MGAM: variants seen among roughly 807,000 people sequenced by gnomAD.
The protein encoded by MGAM is maltase-glucoamylase.
MGAM carries 253 observed loss-of-function variants against 358.8 expected under a neutral mutation model. The observed-to-expected ratio is 0.71, with a 90% CI of 0.64 to 0.78. The LOEUF (loss-of-function observed/expected upper bound fraction) is 0.78, where lower values mean the gene tolerates loss of function less well. Among genes scored for constraint, MGAM ranks in the 30% least tolerant of loss-of-function variants. MGAM has a pLI of 0.00. For missense variants in MGAM, 3,080 were observed against 3,432.6 expected (o/e 0.90, Z 2.57); for synonymous variants, 1,105 against 1,227.1 (o/e 0.90, Z 2.08).
At position 142,052,304 on chromosome 7, in the gene MGAM, T is replaced by C. The variant is rs1811063563; in HGVS notation, c.2816T>C (p.Ile939Thr). Residue 939 changes from isoleucine (I) to threonine (T), a missense_variant, in exon 25 of 71, where the codon ATC becomes ACC. Around this residue, in one of 5 missense-constraint regions of MGAM, gnomAD observed 1,816 missense variants for 1,840.5 expected, o/e 0.99. Coordinates refer to ENST00000475668, the MANE Select transcript of MGAM (RefSeq NM_001365693.1). Reference sequence around the variant, plus strand: ...TCCACATTCCTACAGGTTGCCATTATCACAGATATTGATCTTCTCCTGGGA... The same window carrying C: ...TCCACATTCCTACAGGTTGCCATTACCACAGATATTGATCTTCTCCTGGGA... ...TYDSNLKVAI[I>T]TDIDLLLGEA... The C allele has an allele frequency of 1.1e-5, 17 of 1,604,786 alleles. No homozygotes were observed. Among genetic ancestry groups the C allele is most frequent in the Non-Finnish European group, 1.4e-5 (17 of 1,175,100 alleles).
intron 70 of MGAM, 32 bp downstream of exon 70, chr7:142,103,471 T>C (rs1415444785): frequency 6.4e-7 from 1 of 1,552,886 alleles, no homozygotes; most frequent in East Asian, 2.3e-5. Context: ...CGAATGGTAT[T>C]CTCCACCCTT....
At chr7:142,033,980 G>C (rs1807741383) in intron 14 of MGAM, among the ~76,000 whole-genome samples, 1 of 152,242 alleles carries the variant, frequency 6.6e-6, no homozygotes, top group African/African-American at 2.4e-5. Flanking sequence ...GGAGAATTCA[G>C]ATTGAACCTC....
rs144159889 is a variant in MGAM, at chr7:142,004,055, G to T, written c.-2-1474G>T. Among the ~76,000 whole-genome samples, 459 of 152,116 alleles carry T rather than the reference G, an allele frequency of 3.0e-3. 2 individuals are homozygous for T. The highest frequency in any genetic ancestry group is 2.5e-3 in the Non-Finnish European group (169 of 67,930). ...GTCAAAAAACAACACATATTGGGGA[G>T]GATGCAGAAAAAAGGAAATGCTGAT... On this transcript the variant is annotated intron_variant, in intron 1 of 70. Transcript: ENST00000475668.
rs934546600 is a variant in MGAM at position 142,076,376 on chromosome 7, C to T, written c.5325+124C>T. ...ATGCATTATTGGCTATAGGTGAGCA[C>T]ATTTCTATTTATGATTTCATCGATG... is the stretch of plus-strand genomic sequence containing the variant. On this transcript the variant is annotated intron_variant, in intron 46 of 70. Coordinates refer to ENST00000475668, the MANE Select transcript of MGAM (RefSeq NM_001365693.1). The T allele has an allele frequency of 2.7e-5, 28 of 1,032,886 alleles. 1 individual carries two copies. Among genetic ancestry groups the T allele is most frequent in the Non-Finnish European group, 3.9e-5 (26 of 666,576 alleles). The allele number at this position is 1,032,886 out of a possible 1,614,324, so 64.0% of individuals were successfully genotyped here.
rs1376185437 is a variant in MGAM, at chr7:142,026,597, C to G, written c.983-518C>G. Among the ~76,000 whole-genome samples, 6 of 151,992 alleles carry G rather than the reference C, an allele frequency of 3.9e-5. No individual in the cohort carries two copies. In the East Asian group the frequency reaches 1.2e-3, roughly 29 times the overall value. ...GACATTTTGGAAAGATAAATGGGCC[C>G]TTAGGAGAGTAGGTGGGAGGATGTG... On this transcript the variant is annotated intron_variant, in intron 8 of 70. Transcript: ENST00000475668.
At chr7:142,066,837 C>G in intron 41 of MGAM, 116 bp downstream of exon 41, 1 of 1,228,300 alleles carries the variant, frequency 8.1e-7, no homozygotes, top group Non-Finnish European at 1.1e-6. Flanking sequence ...TTGACATGAG[C>G]TCTTCAGACA....
intron 14 of MGAM, among the ~76,000 whole-genome samples, chr7:142,033,263 A>C (rs1280054183): frequency 6.6e-6 from 1 of 152,178 alleles, no homozygotes; most frequent in African/African-American, 2.4e-5. Flanking sequence ...CCAGGTAACC[A>C]GCCTTGGTCA....
chr7:142,034,797 T>G lies in MGAM; in HGVS notation c.1915T>G (p.Ser639Ala). 6 of 1,613,454 alleles carry G rather than the reference T, an allele frequency of 3.7e-6. No homozygotes were observed. Among genetic ancestry groups the G allele is most frequent in the Non-Finnish European group, 5.1e-6 (6 of 1,179,540 alleles). Reference sequence around the variant, plus strand: ...TGCCACCTGGGATGACCTGAGATGGTCCATCCCTGGCGTGCTTGAGTTCAA... The same window carrying G: ...TGCCACCTGGGATGACCTGAGATGGGCCATCCCTGGCGTGCTTGAGTTCAA... ...NTATWDDLRW[S>A]IPGVLEFNLF... Residue 639 changes from serine to alanine, a missense_variant, in exon 16 of 71, where the codon TCC becomes GCC. Physicochemically the swap from Ser to Ala is moderately conservative, Grantham distance 99 (BLOSUM62 1). Coordinates refer to ENST00000475668, the MANE Select transcript of MGAM (RefSeq NM_001365693.1).
In MGAM at chr7:142,083,429, A is replaced by G. The variant is rs761992329; in HGVS notation, c.6381+16A>G. Reference sequence around the variant, plus strand: ...GTACACTGAGGTAGGGAGAAATCCAATTGTTTATCAAGTACTTATATAGCA... The same window carrying G: ...GTACACTGAGGTAGGGAGAAATCCAGTTGTTTATCAAGTACTTATATAGCA... On this transcript the variant is annotated intron_variant, in intron 53 of 70. Transcript: ENST00000475668. The G allele has an allele frequency of 6.6e-6, 10 of 1,504,442 alleles. No individual in the cohort carries two copies. In the East Asian group the frequency reaches 2.3e-4, roughly 35 times the overall value. The allele number at this position is 1,504,442 out of a possible 1,614,324, so 93.2% of individuals were successfully genotyped here.
intron 31 of MGAM, among the ~76,000 whole-genome samples, chr7:142,059,040 A>G (rs1389451997): frequency 2.6e-5 from 4 of 152,236 alleles, no homozygotes; most frequent in Admixed American, 1.3e-4. Context: ...TTCCAAAGCA[A>G]CTATACATCT....
At chr7:142,025,711 C>A (rs536436333) in intron 8 of MGAM, among the ~76,000 whole-genome samples, 1 of 152,140 alleles carries the variant, frequency 6.6e-6, no homozygotes, top group South Asian at 2.1e-4. Flanking sequence ...AGCCTCCACA[C>A]GCACACATGA....
chr7:142,099,354 C>T (rs1816240554), intron 66 of MGAM, among the ~76,000 whole-genome samples: 1 of 152,188 alleles, frequency 6.6e-6, no homozygotes, highest in African/African-American at 2.4e-5. Context: ...GAGAGAGTAG[C>T]ACCTCTTCCT....
At chr7:142,020,808 G>T (rs1329782764) in intron 4 of MGAM, among the ~76,000 whole-genome samples, 166 bp from the exon 5 acceptor site, 1 of 151,884 alleles carries the variant, frequency 6.6e-6, no homozygotes, top group Non-Finnish European at 1.5e-5. Context: ...TGGTCAGGCT[G>T]GTCTCGAATT....
At chr7:142,026,444 C>T (rs75168206) in intron 8 of MGAM, among the ~76,000 whole-genome samples, 7,494 of 152,154 alleles carry the variant, frequency 0.049, 406 homozygotes, top group African/African-American at 0.13. Context: ...TTTACACATA[C>T]AATGCACATA....
rs1336919265 is a variant in MGAM at position 142,094,330 on chromosome 7, G to A, written c.7173-34G>A. On this transcript the variant is annotated intron_variant, in intron 60 of 70. Transcript: ENST00000475668. ...TCTATGGCCTTTGCTTCCTGGCGGT[G>A]CCCTCAGTTCACCTCCTTTTCCCCT... The A allele has an allele frequency of 9.3e-6, 14 of 1,497,984 alleles. 4 individuals carry two copies. Among genetic ancestry groups the A allele is most frequent in the Non-Finnish European group, 1.3e-5 (14 of 1,103,756 alleles). 92.8% of individuals were successfully genotyped at this position (1,497,984 alleles called of 1,614,324 possible).
chr7:142,098,792 G>A (rs759096908), intron 66 of MGAM, among the ~76,000 whole-genome samples: 1 of 152,066 alleles, frequency 6.6e-6, no homozygotes, highest in African/African-American at 2.4e-5. Flanking sequence ...TGGTTGAAGA[G>A]GAAAAGACAA....
chr7:142,021,630 C>A lies in MGAM; in HGVS notation c.603C>A (p.His201Gln), dbSNP rs2272326. 2 of 1,613,932 alleles carry A rather than the reference C, an allele frequency of 1.2e-6. No homozygotes were observed. The highest frequency in any genetic ancestry group is 2.2e-5 in the East Asian group (1 of 44,858). The change falls in exon 6 of 71, where the codon CAC becomes CAA. Residue 201 changes from histidine to glutamine, a missense_variant. By Grantham distance (24) the His-to-Gln change is conservative. Transcript: ENST00000475668. ...ACAGGTTTGAAGTGCCCCACGAACA[C>A]GTGCAGTCCTTCAGTGGAAATGCTG... The part of the protein sequence containing the change: ...TNNRFEVPHE[H>Q]VQSFSGNAAA...
intron 52 of MGAM, 25 bp from the exon 53 acceptor site, chr7:142,083,276 G>A: frequency 2.0e-6 from 3 of 1,498,606 alleles, no homozygotes; most frequent in Admixed American, 3.6e-5. Flanking sequence ...TTTCCAGCTT[G>A]ATTAGCATTT....
chr7:142,055,871 T>C (rs1811472670), intron 28 of MGAM, 129 bp from the exon 29 acceptor site: 10 of 1,454,374 alleles, frequency 6.9e-6, no homozygotes, highest in Non-Finnish European at 9.3e-6. Flanking sequence ...CTTTGTTTCA[T>C]GTGTTTAGTT....
Sources: gnomAD v4.1 joint callset for allele counts (sites outside exome capture counted in the v4.1 genomes callset) on GRCh38, gnomAD v4.1.1 for gene constraint, gnomAD v4.1.1 regional missense constraint, MANE v1.5 for transcripts, NCBI Gene and HGNC (gene_info 2026-07-23, HGNC 2026-07-21) for gene names.